AKAP13: variants seen among roughly 807,000 people sequenced by gnomAD.
AKAP13 encodes A-kinase anchoring protein 13.
In AKAP13, 80 loss-of-function variants were observed where a neutral mutation model predicts 264.5. The observed-to-expected ratio is 0.30, with a 90% confidence interval of 0.25 to 0.36. The LOEUF (loss-of-function observed/expected upper bound fraction) is 0.36. AKAP13 is among the 10% of genes least tolerant of loss of function. The pLI is 1.00. For synonymous variants in AKAP13, 1,380 were observed against 1,250.2 expected (o/e 1.10, Z -2.19); for missense variants, 3,712 against 3,435.2 (o/e 1.08, Z -2.01).
At chr15:85,508,023 C>G (rs2151111689) in intron 2 of AKAP13, among the ~76,000 whole-genome samples, 1 of 152,162 alleles carries the variant, frequency 6.6e-6, no homozygotes, top group East Asian at 1.9e-4. Flanking sequence ...TTTGCTTTGT[C>G]CATTTGATGC....
At chr15:85,519,208 GAT>G (rs2076720848) in intron 2 of AKAP13, among the ~76,000 whole-genome samples, 1 of 152,044 alleles carries the variant, frequency 6.6e-6, no homozygotes, top group African/African-American at 2.4e-5. Context: ...AGCCATGGAT[GAT>G]GGGTAAATGA....
chr15:85,741,731 A>AC (rs1567225984), intron 35 of AKAP13, among the ~76,000 whole-genome samples: 2 of 97,028 alleles, frequency 2.1e-5, no homozygotes, highest in Non-Finnish European at 3.7e-5. Context: ...CAAACAAACA[A>AC]AAAAAAAAAA....
At chr15:85,403,055 A>AT (rs1478136639) in intron 1 of AKAP13, among the ~76,000 whole-genome samples, 1 of 152,176 alleles carries the variant, frequency 6.6e-6, no homozygotes, top group Admixed American at 6.5e-5. Context: ...GGCAGAAATG[A>AT]TTTGATTATA....
intron 10 of AKAP13, chr15:85,651,760 G>A (rs1195975905): frequency 6.6e-6 from 1 of 152,062 alleles, no homozygotes; most frequent in African/African-American, 2.4e-5. Flanking sequence ...CCCTCTCAAG[G>A]CAACAGCTGT....
At chr15:85,596,957 G>A (rs147055875) in intron 8 of AKAP13, among the ~76,000 whole-genome samples, 1 of 152,296 alleles carries the variant, frequency 6.6e-6, no homozygotes, top group African/African-American at 2.4e-5. Context: ...GAGAGGCTAA[G>A]TAGTTAAAAA....
rs1256403329 is a variant in AKAP13, at chr15:85,575,370, A to G, written c.861+41A>G. ...TTTATTTTTAAGTATATGCATGTGT[A>G]TGTGTGTGTTTTGTATGTGTGTGTC... On this transcript the variant is annotated intron_variant, in intron 6 of 36. Coordinates refer to ENST00000394518, the MANE Select transcript of AKAP13 (RefSeq NM_007200.5). 4 of 1,569,528 alleles carry G rather than the reference A, an allele frequency of 2.5e-6. No individual in the cohort carries two copies. In the South Asian group the frequency reaches 4.4e-5, roughly 17 times the overall value.
chr15:85,600,462 A>C (rs2080009388), intron 8 of AKAP13, among the ~76,000 whole-genome samples: 1 of 152,222 alleles, frequency 6.6e-6, no homozygotes, highest in South Asian at 2.1e-4. Context: ...ATATTTTTAA[A>C]AGCAGGCTTT....
chr15:85,677,848 C>T (rs527794800), intron 14 of AKAP13, among the ~76,000 whole-genome samples: 74 of 152,166 alleles, frequency 4.9e-4, no homozygotes, highest in African/African-American at 1.6e-3. Flanking sequence ...CGGGGTTTCA[C>T]CATGTTATCC....
intron 4 of AKAP13, among the ~76,000 whole-genome samples, chr15:85,538,968 C>T (rs1348316897): frequency 6.6e-6 from 1 of 150,596 alleles, no homozygotes; most frequent in East Asian, 2.0e-4. Context: ...GTAGCTGGGA[C>T]TACAGGTGCC....
chr15:85,566,389 A>G (rs186009772), intron 5 of AKAP13, among the ~76,000 whole-genome samples: 7 of 152,290 alleles, frequency 4.6e-5, no homozygotes, highest in African/African-American at 1.2e-4. Context: ...TTTTGCATCT[A>G]TGAAGGTGGC....
chr15:85,701,435 T>G (rs997316102), intron 17 of AKAP13, among the ~76,000 whole-genome samples: 65 of 151,660 alleles, frequency 4.3e-4, no homozygotes, highest in African/African-American at 1.5e-3. Context: ...ATTTGAGGGG[T>G]TTTTTTTGTT....
intron 1 of AKAP13, among the ~76,000 whole-genome samples, chr15:85,465,797 G>A (rs1485938684): frequency 2.8e-4 from 42 of 150,644 alleles, no homozygotes; most frequent in African/African-American, 7.1e-4. Flanking sequence ...ATTGTGAATA[G>A]TGCCGCAATA....
rs1001321939 is a variant in AKAP13, at chr15:85,744,937, C to G, written c.*260C>G. 2.0e-5 allele frequency: 8 copies of G among 396,852 alleles called. No individual in the cohort carries two copies. The highest frequency in any genetic ancestry group is 3.6e-5 in the Non-Finnish European group (8 of 222,608). The allele number at this position is 396,852 out of a possible 1,614,324, so 24.6% of individuals were successfully genotyped here. On this transcript the variant is annotated 3_prime_UTR_variant, in exon 37 of 37. Coordinates refer to ENST00000394518, the MANE Select transcript of AKAP13 (RefSeq NM_007200.5). ...TGGGCTGGCCCTACTCAGGATTACA[C>G]TGAAAGTAATGGCCTCGTAAGTACA...
intron 8 of AKAP13, among the ~76,000 whole-genome samples, chr15:85,611,089 C>G (rs1470594210): frequency 6.6e-6 from 1 of 152,102 alleles, no homozygotes; most frequent in African/African-American, 2.4e-5. Flanking sequence ...TCACCAAGAT[C>G]TATGAAATAT....
At chr15:85,618,452 C>CT (rs35032696) in intron 8 of AKAP13, among the ~76,000 whole-genome samples, 41 of 149,310 alleles carry the variant, frequency 2.7e-4, no homozygotes, top group South Asian at 8.5e-4. Flanking sequence ...AAGAGAAATC[C>CT]TTTTTTTTTT....
intron 35 of AKAP13, among the ~76,000 whole-genome samples, chr15:85,742,336 G>A (rs574646555): frequency 3.3e-5 from 5 of 152,306 alleles, no homozygotes; most frequent in Non-Finnish European, 5.9e-5. Context: ...GTAGCTTAAT[G>A]GGGAAGCACA....
chr15:85,414,842 A>C lies in AKAP13; in HGVS notation c.-12+34044A>C, dbSNP rs79662176. The stretch of plus-strand genomic sequence containing the variant: ...TTGTCTTAGGCTTTGCCTTGTATTA[A>C]AGAAGTATATGACTGGATGTGACTA... On this transcript the variant is annotated intron_variant, in intron 1 of 36. Transcript: ENST00000394518. Among the ~76,000 whole-genome samples the C allele has an allele frequency of 1.9e-3, 286 of 152,314 alleles. 1 individual carries two copies. The highest frequency in any genetic ancestry group is 6.6e-3 in the African/African-American group (273 of 41,556).
At chr15:85,604,376 A>G (rs1435506235) in intron 8 of AKAP13, among the ~76,000 whole-genome samples, 3 of 152,164 alleles carry the variant, frequency 2.0e-5, no homozygotes, top group African/African-American at 7.2e-5. Flanking sequence ...GACTGAACCA[A>G]GAGAGGTGAT....
intron 5 of AKAP13, among the ~76,000 whole-genome samples, chr15:85,559,827 T>G (rs1350934981): frequency 6.6e-6 from 1 of 152,148 alleles, no homozygotes; most frequent in Non-Finnish European, 1.5e-5. Context: ...CGCCATAGAC[T>G]GGTACTGGTT....
Sources: gnomAD v4.1 joint callset for allele counts (sites outside exome capture counted in the v4.1 genomes callset) on GRCh38, gnomAD v4.1.1 for gene constraint, MANE v1.5 for transcripts, NCBI Gene and HGNC (gene_info 2026-07-23, HGNC 2026-07-21) for gene names.